EXT2: variants seen among roughly 807,000 people sequenced by gnomAD.
EXT2 encodes the protein exostosin glycosyltransferase 2.
Under a neutral mutation model 81.6 loss-of-function variants are expected in EXT2, and 53 were observed. That is an observed-to-expected ratio of 0.65 (90% CI 0.52 to 0.82). The LOEUF (loss-of-function observed/expected upper bound fraction) is 0.82, where lower values mean the gene tolerates loss of function less well. Among genes scored for constraint, EXT2 ranks in the 40% least tolerant of loss-of-function variants. EXT2 has a pLI of 0.00. For missense variants in EXT2, 774 were observed against 910.2 expected, an observed-to-expected ratio of 0.85 and a Z score of 1.93; for synonymous variants, 320 against 340.0, an observed-to-expected ratio of 0.94 and a Z score of 0.65.
intron 12 of EXT2, 57 bp from the exon 13 acceptor site, chr11:44,236,236 A>G (rs1360066015): frequency 4.7e-6 from 7 of 1,493,748 alleles, no homozygotes; most frequent in Non-Finnish European, 6.5e-6. Flanking sequence ...TGTCACAAGC[A>G]TGATTTTATT....
chr11:44,160,546 A>T (rs1954914900), intron 7 of EXT2, among the ~76,000 whole-genome samples: 1 of 152,206 alleles, frequency 6.6e-6, no homozygotes, highest in African/African-American at 2.4e-5. Context: ...GAACAAAGTA[A>T]TGATCATGTG....
At position 44,186,982 on chromosome 11, in the gene EXT2, TTTCCTTCCTTCCTTCCTTCCTTCCTTCC is replaced by T. The variant is rs71035681; in HGVS notation, c.1306-10810_1306-10783del. Among the ~76,000 whole-genome samples, 6 of 78,756 alleles carry T rather than the reference TTTCCTTCCTTCCTTCCTTCCTTCCTTCC, an allele frequency of 7.6e-5. 1 individual carries two copies. Among genetic ancestry groups the T allele is most frequent in the South Asian group, 1.2e-3 (2 of 1,644 alleles). The allele number at this position is 78,756 out of a possible 152,430, so 51.7% of individuals were successfully genotyped here. ...TTTATTAGCTTGACCTTGTACAAAA[TTTCCTTCCTTCCTTCCTTCCTTCCTTCC>T]TTCCTTCCTTCCTTCCTTCCTTCCT... On this transcript the variant is annotated intron_variant, in intron 8 of 13. Transcript: ENST00000533608.
intron 7 of EXT2, among the ~76,000 whole-genome samples, chr11:44,165,039 C>T (rs1214650167): frequency 2.0e-5 from 3 of 151,796 alleles, no homozygotes; most frequent in Admixed American, 6.6e-5. Context: ...CCACCACGCC[C>T]GGCTAATTTT....
rs1242332703 is a variant in EXT2 at position 44,249,335 on chromosome 11, G to T, written c.*5048G>T. On this transcript the variant is annotated 3_prime_UTR_variant, in exon 14 of 14. Transcript: ENST00000533608. ...TTTTCCTTTCTTCTGCTCTCAGTTG[G>T]TTGGACCACTGGTTGCATCTCTTCC... is the stretch of plus-strand genomic sequence containing the variant. 6.6e-6 allele frequency among the ~76,000 whole-genome samples: 1 copy of T among 152,122 alleles called. No homozygotes were observed. The highest frequency in any genetic ancestry group is 1.5e-5 in the Non-Finnish European group (1 of 68,026).
At chr11:44,141,444 C>G (rs1234520672) in intron 7 of EXT2, among the ~76,000 whole-genome samples, 4 of 152,224 alleles carry the variant, frequency 2.6e-5, no homozygotes, top group Non-Finnish European at 5.9e-5. Context: ...GCAAAATGCC[C>G]CAAACTCCAA....
chr11:44,116,260 A>G (rs1954219830), intron 4 of EXT2: 1 of 152,174 alleles, frequency 6.6e-6, no homozygotes, highest in Non-Finnish European at 1.5e-5. Context: ...TATCAACATA[A>G]TTGTACAATA....
intron 11 of EXT2, among the ~76,000 whole-genome samples, chr11:44,233,806 A>G (rs1431088592): frequency 6.6e-6 from 1 of 152,208 alleles, no homozygotes; most frequent in Non-Finnish European, 1.5e-5. Context: ...GTAGTAGACT[A>G]TGTATGCTTT....
chr11:44,159,163 A>T (rs1954896523), intron 7 of EXT2, among the ~76,000 whole-genome samples: 2 of 137,942 alleles, frequency 1.4e-5, no homozygotes, highest in African/African-American at 2.7e-5. Context: ...TTGTTCTCTG[A>T]GCTTCCTGGA....
intron 10 of EXT2, among the ~76,000 whole-genome samples, chr11:44,222,715 G>A (rs1955794986): frequency 6.6e-6 from 1 of 151,820 alleles, no homozygotes; most frequent in East Asian, 1.9e-4. Context: ...CAGACTCTAG[G>A]GCTAGGCAAA....
chr11:44,124,800 A>G lies in EXT2; in HGVS notation c.755A>G (p.Tyr252Cys). Reference protein sequence around the residue: ...LPEKGPGPRQYFLLSSQVGLH... With the variant: ...LPEKGPGPRQCFLLSSQVGLH... ...TTTTTCCCTTGTAGTCCACGGCAAT[A>G]CTTCCTCCTGTCATCTCAGGTGGGT... The change falls in exon 5 of 14, where the codon TAC (tyrosine) becomes TGC (cysteine). Residue 252 changes from tyrosine to cysteine, a missense_variant. Physicochemically the swap from Tyr to Cys is radical, Grantham distance 194 (BLOSUM62 -2). Coordinates refer to ENST00000533608, the MANE Select transcript of EXT2 (RefSeq NM_207122.2). 2.5e-6 allele frequency: 4 copies of G among 1,614,062 alleles called. No individual in the cohort carries two copies. Among genetic ancestry groups the G allele is most frequent in the Non-Finnish European group, 3.4e-6 (4 of 1,179,992 alleles).
chr11:44,127,216 G>A (rs1277783805), intron 6 of EXT2, among the ~76,000 whole-genome samples: 1 of 152,130 alleles, frequency 6.6e-6, no homozygotes, highest in East Asian at 1.9e-4. Context: ...GGCTGTTATT[G>A]TGTCACATTG....
intron 10 of EXT2, among the ~76,000 whole-genome samples, chr11:44,211,480 C>T (rs867307500): frequency 5.3e-5 from 8 of 152,208 alleles, no homozygotes; most frequent in South Asian, 2.1e-4. Context: ...TTTGTGACAA[C>T]GTGGATGAAT....
intron 9 of EXT2, among the ~76,000 whole-genome samples, chr11:44,198,341 A>G (rs761952315): frequency 5.3e-5 from 8 of 151,936 alleles, no homozygotes; most frequent in Non-Finnish European, 8.8e-5. Flanking sequence ...AAAAGGCATT[A>G]GTTTTCTCCT....
At chr11:44,159,114 T>G (rs573722179) in intron 7 of EXT2, among the ~76,000 whole-genome samples, 2 of 145,880 alleles carry the variant, frequency 1.4e-5, no homozygotes, top group East Asian at 3.9e-4. Context: ...GGGTTTTTGC[T>G]TTCGTTCTTT....
intron 10 of EXT2, among the ~76,000 whole-genome samples, chr11:44,225,659 C>G (rs1404875361): frequency 6.6e-6 from 1 of 152,106 alleles, no homozygotes; most frequent in East Asian, 1.9e-4. Flanking sequence ...AGCTTGGGGA[C>G]AATAAGGTGC....
At chr11:44,162,152 G>T (rs1438021293) in intron 7 of EXT2, among the ~76,000 whole-genome samples, 1 of 152,202 alleles carries the variant, frequency 6.6e-6, no homozygotes, top group African/African-American at 2.4e-5. Context: ...TTTGATAATT[G>T]TACCATGGTG....
At chr11:44,141,721 G>A (rs1036157481) in intron 7 of EXT2, among the ~76,000 whole-genome samples, 29 of 152,216 alleles carry the variant, frequency 1.9e-4, no homozygotes, top group African/African-American at 5.8e-4. Context: ...GTTAACCATC[G>A]GTTTAATCCC....
intron 8 of EXT2, among the ~76,000 whole-genome samples, chr11:44,184,619 CG>C (rs1955284522): frequency 6.6e-6 from 1 of 152,042 alleles, no homozygotes; most frequent in African/African-American, 2.4e-5. Context: ...GGCGTGGTGG[CG>C]GGCGCCTGTG....
Position 44,197,845 on chromosome 11 carries a change from G to A in EXT2, c.1322G>A (p.Ser441Asn), listed in dbSNP as rs2135184703. 3 of 1,613,996 alleles carry A rather than the reference G, an allele frequency of 1.9e-6. No individual in the cohort carries two copies. Among genetic ancestry groups the A allele is most frequent in the African/African-American group, 1.3e-5 (1 of 75,008 alleles). ...DPPAVKWGSV[S>N]NPLFLPLIPP... ...CTCTTGTAGAAGTGGGGCAGCGTGA[G>A]CAATCCACTCTTCCTCCCGCTGATC... The change falls in exon 9 of 14, where the codon AGC (serine) becomes AAC (asparagine). Residue 441 changes from serine to asparagine, a missense_variant. Ser to Asn is a conservative substitution (Grantham distance 46, BLOSUM62 1). This residue lies in a region of EXT2 where 626 missense variants were observed against 670.5 expected (regional missense o/e 0.93). Coordinates refer to ENST00000533608, the MANE Select transcript of EXT2 (RefSeq NM_207122.2).
Sources: gnomAD v4.1 joint callset for allele counts (sites outside exome capture counted in the v4.1 genomes callset) on GRCh38, gnomAD v4.1.1 for gene constraint, gnomAD v4.1.1 regional missense constraint, MANE v1.5 for transcripts, NCBI Gene and HGNC (gene_info 2026-07-23, HGNC 2026-07-21) for gene names.